PDS5B: variants seen among roughly 807,000 people sequenced by gnomAD.
PDS5B encodes PDS5 cohesin associated factor B.
In PDS5B, 51 loss-of-function variants were observed where a neutral mutation model predicts 184.1. The ratio of observed to expected loss-of-function variants is 0.28; its 90% CI spans 0.22 to 0.35. PDS5B has a LOEUF of 0.35. PDS5B is among the 10% of genes least tolerant of loss of function. The probability of loss-of-function intolerance (pLI) is 1.00; values close to 1 mark genes in which losing one functional copy is unlikely to be tolerated. For missense variants in PDS5B, 1,180 were observed against 1,723.3 expected, an observed-to-expected ratio of 0.68 and a Z score of 5.58; for synonymous variants, 566 against 569.2, an observed-to-expected ratio of 0.99 and a Z score of 0.08.
At chr13:32,729,596 T>TC (rs1566382547) in intron 19 of PDS5B, among the ~76,000 whole-genome samples, 2 of 152,182 alleles carry the variant, frequency 1.3e-5, no homozygotes, top group Admixed American at 1.3e-4. Flanking sequence ...CTCCACATCC[T>TC]CTCCAGCATC....
chr13:32,769,093 A>G (rs1038204587), intron 31 of PDS5B, among the ~76,000 whole-genome samples: 6 of 152,046 alleles, frequency 3.9e-5, no homozygotes, highest in African/African-American at 1.4e-4. Context: ...ACTGCACTCC[A>G]GCCTGGGTGA....
chr13:32,599,837 A>C (rs1416965981), intron 1 of PDS5B, among the ~76,000 whole-genome samples: 5 of 151,986 alleles, frequency 3.3e-5, no homozygotes, highest in Non-Finnish European at 5.9e-5. Flanking sequence ...ATGGTGTGAA[A>C]CTGGGAGGCG....
Position 32,773,199 on chromosome 13 carries a change from C to T in PDS5B, c.4183C>T (p.Arg1395Cys), listed in dbSNP as rs367640322. 1.3e-4 allele frequency: 210 copies of T among 1,611,000 alleles called. No individual in the cohort carries two copies. The highest frequency in any genetic ancestry group is 3.3e-4 in the Middle Eastern group (2 of 6,064). Residue 1395 changes from arginine (R) to cysteine (C), a missense_variant, in exon 34 of 35, where the codon CGC becomes TGC. Physicochemically the swap from Arg to Cys is radical, Grantham distance 180 (BLOSUM62 -3). Transcript: ENST00000315596. ...TGTGTTTTACTCTAGCCGTGTAGGA[C>T]GCTCCAAACAAGCAGCTACTAAGGA... ...SQPKKNVRVG[R>C]SKQAATKEND...
At chr13:32,624,472 T>G (rs1758909684) in intron 1 of PDS5B, among the ~76,000 whole-genome samples, 2 of 152,200 alleles carry the variant, frequency 1.3e-5, no homozygotes, top group African/African-American at 2.4e-5. Flanking sequence ...TTTATTACTG[T>G]TCAGTCTCTT....
chr13:32,655,370 A>AT (rs1228061305), intron 3 of PDS5B, among the ~76,000 whole-genome samples: 3 of 26,924 alleles, frequency 1.1e-4, no homozygotes, highest in African/African-American at 5.2e-4. Context: ...ATATATATAT[A>AT]TATATTTTTT....
intron 19 of PDS5B, among the ~76,000 whole-genome samples, chr13:32,710,402 G>A (rs1952167112): frequency 6.6e-6 from 1 of 152,128 alleles, no homozygotes; most frequent in African/African-American, 2.4e-5. Flanking sequence ...ATGATGGGAA[G>A]TTTCAAAGGA....
chr13:32,753,593 T>C (rs1425830628), intron 25 of PDS5B, 57 bp downstream of exon 25: 4 of 1,175,134 alleles, frequency 3.4e-6, no homozygotes, highest in Non-Finnish European at 4.9e-6. Flanking sequence ...TTCAGTTTTA[T>C]AGAATATAGC....
intron 1 of PDS5B, among the ~76,000 whole-genome samples, chr13:32,596,283 C>T (rs1000993644): frequency 3.9e-5 from 6 of 152,198 alleles, no homozygotes; most frequent in South Asian, 2.1e-4. Flanking sequence ...GTTCTATCTT[C>T]ATACAGTGTG....
intron 19 of PDS5B, among the ~76,000 whole-genome samples, chr13:32,720,635 AT>A (rs1044155348): frequency 6.7e-5 from 10 of 150,048 alleles, no homozygotes; most frequent in Admixed American, 4.0e-4. Flanking sequence ...TTATTTTATT[AT>A]TTTTTTTTAA....
intron 3 of PDS5B, among the ~76,000 whole-genome samples, chr13:32,655,577 T>C (rs1361196656): frequency 2.6e-5 from 4 of 151,268 alleles, no homozygotes; most frequent in African/African-American, 4.9e-5. Flanking sequence ...TTTACCACGT[T>C]GACTGGGCTG....
intron 1 of PDS5B, among the ~76,000 whole-genome samples, chr13:32,647,579 C>A (rs1472890761): frequency 4.6e-5 from 7 of 152,064 alleles, no homozygotes; most frequent in Non-Finnish European, 1.0e-4. Flanking sequence ...TCCCACCTGG[C>A]CTTTAATGGT....
chr13:32,771,892 C>T (rs1426628336), intron 33 of PDS5B, among the ~76,000 whole-genome samples: 1 of 151,306 alleles, frequency 6.6e-6, no homozygotes, highest in African/African-American at 2.4e-5. Flanking sequence ...TTATTGTGCT[C>T]TCCTAAAATT....
At chr13:32,668,314 T>A (rs775772175) in intron 7 of PDS5B, among the ~76,000 whole-genome samples, 4 of 152,196 alleles carry the variant, frequency 2.6e-5, no homozygotes, top group Non-Finnish European at 5.9e-5. Context: ...GCTTATCTAT[T>A]GCTATTCCTG....
intron 17 of PDS5B, among the ~76,000 whole-genome samples, chr13:32,706,543 T>C (rs1178109568): frequency 1.3e-5 from 2 of 152,168 alleles, no homozygotes; most frequent in Non-Finnish European, 2.9e-5. Flanking sequence ...AAGTGCTTAA[T>C]GTTTCCTTTA....
chr13:32,697,082 GTT>G, intron 15 of PDS5B, among the ~76,000 whole-genome samples, 180 bp downstream of exon 15: 1 of 152,190 alleles, frequency 6.6e-6, no homozygotes, highest in East Asian at 1.9e-4. Context: ...ATTTTTAAGA[GTT>G]TATTGAAATC....
At chr13:32,617,197 G>C (rs2058232514) in intron 1 of PDS5B, among the ~76,000 whole-genome samples, 1 of 152,148 alleles carries the variant, frequency 6.6e-6, no homozygotes, top group African/African-American at 2.4e-5. Context: ...GCTTAAATCT[G>C]TTTTATCCTA....
In PDS5B at chr13:32,687,302, A is replaced by G. The variant is rs371729975; in HGVS notation, c.1355+17A>G. On this transcript the variant is annotated intron_variant, in intron 12 of 34. Transcript: ENST00000315596. ...TGATGATCGGTAAGTTAAGGACACT[A>G]TAAATATTTGGTGACTTTGAATGTT... 9 of 1,504,728 alleles carry G rather than the reference A, an allele frequency of 6.0e-6. No individual in the cohort carries two copies. In the Middle Eastern group the frequency reaches 8.9e-4, roughly 149 times the overall value. 93.2% of individuals were successfully genotyped at this position (1,504,728 alleles called of 1,614,324 possible).
intron 1 of PDS5B, among the ~76,000 whole-genome samples, chr13:32,647,894 A>G (rs1950267926): frequency 6.6e-6 from 1 of 152,026 alleles, no homozygotes; most frequent in African/African-American, 2.4e-5. Context: ...CATAGTGGGG[A>G]TTCTTTGATA....
At chr13:32,677,164 G>T (rs1593403098) in intron 9 of PDS5B, among the ~76,000 whole-genome samples, 1 of 151,980 alleles carries the variant, frequency 6.6e-6, no homozygotes, top group Non-Finnish European at 1.5e-5. Flanking sequence ...TTCTTATTTA[G>T]CTCAATAATT....
Sources: gnomAD v4.1 joint callset for allele counts (sites outside exome capture counted in the v4.1 genomes callset) on GRCh38, gnomAD v4.1.1 for gene constraint, MANE v1.5 for transcripts, NCBI Gene and HGNC (gene_info 2026-07-23, HGNC 2026-07-21) for gene names.